ZMYM1: variants seen among roughly 807,000 people sequenced by gnomAD.
ZMYM1 encodes the protein zinc finger MYM-type protein 1.
In ZMYM1, 39 loss-of-function variants were observed where a neutral mutation model predicts 60.0. The ratio of observed to expected loss-of-function variants is 0.65; its 90% CI spans 0.50 to 0.85. ZMYM1 has a LOEUF of 0.85. ZMYM1 is among the 40% of genes least tolerant of loss of function. The pLI, the probability that ZMYM1 is intolerant of heterozygous loss-of-function variation, is 0.00. For synonymous variants in ZMYM1, 413 were observed against 454.0 expected (o/e 0.91, Z 1.15); for missense variants, 1,171 against 1,309.5 (o/e 0.89, Z 1.63).
At chr1:35,073,297 AGAAG>A (rs1156686293) in intron 1 of ZMYM1, among the ~76,000 whole-genome samples, 14 of 145,560 alleles carry the variant, frequency 9.6e-5, no homozygotes, top group Non-Finnish European at 2.0e-4. Flanking sequence ...AAGGAAAGGA[AGAAG>A]GAAGGAAGGA....
In ZMYM1 at chr1:35,115,314, A is replaced by G. The variant is rs984063045; in HGVS notation, c.*55A>G. ...CTTGTATTTCCATTGGGATGTTTTC[A>G]TTTCAAAATTGTTCAAAATTCAAAA... On this transcript the variant is annotated 3_prime_UTR_variant, in exon 10 of 10. Transcript: ENST00000359858. 7 of 1,488,832 alleles carry G rather than the reference A, an allele frequency of 4.7e-6. No individual in the cohort carries two copies. Among genetic ancestry groups the G allele is most frequent in the Admixed American group, 2.4e-5 (1 of 41,558 alleles). 92.2% of individuals were successfully genotyped at this position (1,488,832 alleles called of 1,614,324 possible).
At chr1:35,091,079 C>CA (rs60650646) in intron 1 of ZMYM1, among the ~76,000 whole-genome samples, 2 of 151,884 alleles carry the variant, frequency 1.3e-5, no homozygotes, top group African/African-American at 4.8e-5. Context: ...TGCTATTTAC[C>CA]AAAAAAAAGG....
intron 9 of ZMYM1, 24 bp downstream of exon 9, chr1:35,112,154 C>T: frequency 6.2e-7 from 1 of 1,610,628 alleles, no homozygotes; most frequent in South Asian, 1.1e-5. Flanking sequence ...TTTTTTACCA[C>T]TGTCTTTTTT....
intron 6 of ZMYM1, among the ~76,000 whole-genome samples, chr1:35,107,306 A>G (rs1162430411): frequency 6.9e-6 from 1 of 144,854 alleles, no homozygotes; most frequent in Non-Finnish European, 1.5e-5. Flanking sequence ...TAAAAATACA[A>G]AAAAAAAAAA....
chr1:35,105,030 A>G (rs1461586649), intron 6 of ZMYM1, among the ~76,000 whole-genome samples: 3 of 152,186 alleles, frequency 2.0e-5, no homozygotes, highest in South Asian at 2.1e-4. Context: ...TAAACTAGAA[A>G]TAAGTATAGC....
intron 1 of ZMYM1, among the ~76,000 whole-genome samples, chr1:35,080,617 A>G (rs1236256079): frequency 1.3e-5 from 2 of 151,460 alleles, no homozygotes; most frequent in Non-Finnish European, 2.9e-5. Flanking sequence ...GTGCCCGGCT[A>G]TTTGTGGTTT....
intron 4 of ZMYM1, 89 bp from the exon 5 acceptor site, chr1:35,104,206 T>A: frequency 8.5e-7 from 1 of 1,179,058 alleles, no homozygotes; most frequent in Non-Finnish European, 1.2e-6. Context: ...CTAATGTTCT[T>A]ACTCTAATTT....
chr1:35,097,510 C>T lies in ZMYM1; in HGVS notation c.363C>T (p.Tyr121=), dbSNP rs1444215444. ...LFCSIPCITE[Y]ISSASSPVPS... is the part of the protein sequence containing the mutation. ...GCTCCATACCATGCATCACTGAATACATTTCATCTGCCAGTTCACCAGTTC... is the reference window on the plus strand; with the variant it reads ...GCTCCATACCATGCATCACTGAATATATTTCATCTGCCAGTTCACCAGTTC... The change falls in exon 4 of 10, where the codon TAC becomes TAT. Residue 121 remains tyrosine, a synonymous_variant. Transcript: ENST00000359858. 3.1e-6 allele frequency: 5 copies of T among 1,614,100 alleles called. No individual in the cohort carries two copies. The East Asian group carries it at 6.7e-5, about 22-fold the overall frequency.
chr1:35,081,323 G>T (rs1642376814), intron 1 of ZMYM1, among the ~76,000 whole-genome samples: 1 of 152,182 alleles, frequency 6.6e-6, no homozygotes, highest in East Asian at 1.9e-4. Flanking sequence ...GTTTTTGCTT[G>T]TGTCCATACC....
chr1:35,095,826 G>A lies in ZMYM1; in HGVS notation c.104G>A (p.Cys35Tyr), dbSNP rs761296328. The change falls in exon 3 of 10, where the codon TGT (cysteine) becomes TAT (tyrosine). Residue 35 changes from cysteine (C) to tyrosine (Y), a missense_variant. Transcript: ENST00000359858. ...TTTTTTTTTTCTTTTTAGGAGTATTGTCATAGGCAACAGTCCAGAACTCAG... is the reference window on the plus strand; with the variant it reads ...TTTTTTTTTTCTTTTTAGGAGTATTATCATAGGCAACAGTCCAGAACTCAG... ...KTEPDNAQEY[C>Y]HRQQSRTQEN... 4.4e-6 allele frequency: 7 copies of A among 1,592,842 alleles called. No individual in the cohort carries two copies. The African/African-American group carries it at 5.4e-5, about 12-fold the overall frequency.
intron 1 of ZMYM1, among the ~76,000 whole-genome samples, chr1:35,088,434 G>A (rs1021506990): frequency 4.4e-5 from 3 of 68,032 alleles, no homozygotes; most frequent in African/African-American, 9.0e-5. Flanking sequence ...GTGTTTATGT[G>A]TATATATATA....
rs142619625 is a variant in ZMYM1 at position 35,070,502 on chromosome 1, A to G, written c.-300-8492A>G. ...TTTTGGTGGAGTCTTTAGATTTTCT[A>G]TATATAAGATTATGTTGTTTAAAAT... is the stretch of plus-strand genomic sequence containing the variant. On this transcript the variant is annotated intron_variant, in intron 1 of 10. Transcript: ENST00000417119. 1.5e-3 allele frequency among the ~76,000 whole-genome samples: 229 copies of G among 152,234 alleles called. 1 individual carries two copies. The highest frequency in any genetic ancestry group is 5.4e-3 in the African/African-American group (223 of 41,542).
At chr1:35,098,119 G>A (rs1468295788) in intron 4 of ZMYM1, among the ~76,000 whole-genome samples, 1 of 152,052 alleles carries the variant, frequency 6.6e-6, no homozygotes, top group Non-Finnish European at 1.5e-5. Context: ...CTGTAAATGG[G>A]ATTATTGTTT....
At position 35,086,116 on chromosome 1, in the gene ZMYM1, T is replaced by C. The variant is rs1353763532; in HGVS notation, c.-75+6674T>C. Reference sequence around the variant, plus strand: ...TTGGGTTACTCATGGTAAATTGTTATCACAGAAAATATTGAAGATTTGAAT... The same window carrying C: ...TTGGGTTACTCATGGTAAATTGTTACCACAGAAAATATTGAAGATTTGAAT... On this transcript the variant is annotated intron_variant, in intron 1 of 9. Coordinates refer to ENST00000359858, the MANE Select transcript of ZMYM1 (RefSeq NM_024772.5). 3.3e-5 allele frequency among the ~76,000 whole-genome samples: 5 copies of C among 152,196 alleles called. No individual in the cohort carries two copies. In the South Asian group the frequency reaches 1.0e-3, roughly 31 times the overall value.
chr1:35,064,544 A>G (rs1641935723), intron 1 of ZMYM1, among the ~76,000 whole-genome samples: 1 of 151,990 alleles, frequency 6.6e-6, no homozygotes, highest in South Asian at 2.1e-4. Flanking sequence ...AATAGACAAT[A>G]TCCTGGGTTA....
chr1:35,068,782 A>T (rs1325564856), intron 1 of ZMYM1, among the ~76,000 whole-genome samples: 1 of 152,076 alleles, frequency 6.6e-6, no homozygotes, highest in Non-Finnish European at 1.5e-5. Flanking sequence ...AATCTTCATA[A>T]CATGGGATTA....
chr1:35,097,558 CT>C lies in ZMYM1; in HGVS notation c.412del (p.Cys138AlafsTer6). On this transcript the variant is annotated frameshift_variant, in exon 4 of 10. Coordinates refer to ENST00000359858, the MANE Select transcript of ZMYM1 (RefSeq NM_024772.5). LOFTEE classifies it high-confidence loss of function. ...TTCCTTCTAAGAGAACTTGTTCAAA[CT>C]GCTCAAAGTATATAATTCTAAATTA... ...PVPSKRTCSN[C>X]SKDILNPKDV... 6.2e-7 allele frequency: 1 copy of C among 1,614,162 alleles called. No homozygotes were observed. The highest frequency in any genetic ancestry group is 1.1e-5 in the South Asian group (1 of 91,086).
At chr1:35,065,683 A>C (rs1352547804) in intron 1 of ZMYM1, among the ~76,000 whole-genome samples, 1 of 151,834 alleles carries the variant, frequency 6.6e-6, no homozygotes, top group East Asian at 1.9e-4. Context: ...ATAATTCCAA[A>C]GCAAGCAGAA....
In ZMYM1 at chr1:35,115,417, C is replaced by A; in HGVS notation, c.*158C>A. 1.2e-6 allele frequency: 1 copy of A among 810,010 alleles called. No individual in the cohort carries two copies. The highest frequency in any genetic ancestry group is 1.8e-6 in the Non-Finnish European group (1 of 544,882). 50.2% of individuals were successfully genotyped at this position (810,010 alleles called of 1,614,324 possible). A position where few individuals can be genotyped will look rare whatever the true frequency, so the allele number is the denominator to read the frequency against. ...CTCTTCCCAAAAAGTGTTATCTTTT[C>A]CTTAAATATCCCTCTAGAGGTATTT... is the stretch of plus-strand genomic sequence containing the variant. On this transcript the variant is annotated 3_prime_UTR_variant, in exon 10 of 10. Transcript: ENST00000359858.
Sources: allele counts gnomAD v4.1 joint callset (sites outside exome capture counted in the v4.1 genomes callset), GRCh38; gene constraint gnomAD v4.1.1; transcripts MANE v1.5; gene names NCBI Gene and HGNC (gene_info 2026-07-23, HGNC 2026-07-21).